The following ITGA8 variants were observed in gnomAD, a reference collection of about 807,000 sequenced individuals.
ITGA8 encodes the protein integrin subunit alpha 8.
Under a neutral mutation model 142.3 loss-of-function variants are expected in ITGA8, and 91 were observed. That is an observed-to-expected ratio of 0.64 (90% confidence interval 0.54 to 0.76). ITGA8 has a LOEUF of 0.76. ITGA8 is among the 30% of genes least tolerant of loss of function. ITGA8 has a pLI of 0.00. For missense variants in ITGA8, 1,406 were observed against 1,327.7 expected (o/e 1.06, Z -0.92); for synonymous variants, 505 against 485.2 (o/e 1.04, Z -0.54).
At chr10:15,556,015 TCTC>T (rs1305499005) in intron 26 of ITGA8, among the ~76,000 whole-genome samples, 3 of 78,622 alleles carry the variant, frequency 3.8e-5, no homozygotes, top group African/African-American at 9.1e-5. Context: ...GGTCTCTCTC[TCTC>T]TTTTTTTTTT....
chr10:15,610,226 G>T (rs1463125551), intron 15 of ITGA8, among the ~76,000 whole-genome samples: 1 of 152,104 alleles, frequency 6.6e-6, no homozygotes, highest in African/African-American at 2.4e-5. Flanking sequence ...CAAACTCTGT[G>T]TTATGATCTA....
intron 22 of ITGA8, among the ~76,000 whole-genome samples, chr10:15,590,763 A>G (rs1832908762): frequency 6.6e-6 from 1 of 152,260 alleles, no homozygotes; most frequent in Non-Finnish European, 1.5e-5. Context: ...GCTTTTGGTA[A>G]AATGAAGGAA....
intron 13 of ITGA8, among the ~76,000 whole-genome samples, chr10:15,634,731 T>C (rs1316425200): frequency 6.6e-6 from 1 of 152,068 alleles, no homozygotes; most frequent in Admixed American, 6.5e-5. Context: ...TATAACTAAA[T>C]GCAACATGGG....
intron 26 of ITGA8, among the ~76,000 whole-genome samples, chr10:15,549,772 A>G (rs1396887056): frequency 9.2e-5 from 14 of 152,232 alleles, no homozygotes. Flanking sequence ...TTGATATAAC[A>G]CAGAATAATC....
chr10:15,532,574 A>C (rs974759595), intron 27 of ITGA8, among the ~76,000 whole-genome samples: 1 of 152,088 alleles, frequency 6.6e-6, no homozygotes, highest in African/African-American at 2.4e-5. Flanking sequence ...ATAGGGTCTC[A>C]TATTAACTGT....
intron 2 of ITGA8, 31 bp from the exon 3 acceptor site, chr10:15,688,069 T>G: frequency 7.0e-7 from 1 of 1,422,206 alleles, no homozygotes; most frequent in Non-Finnish European, 9.9e-7. Context: ...AGTTAATAAT[T>G]TGTAAAATGT....
At position 15,517,027 on chromosome 10, in the gene ITGA8, T is replaced by A; in HGVS notation, c.*131A>T. On this transcript the variant is annotated 3_prime_UTR_variant, in exon 30 of 30. Coordinates refer to ENST00000378076, the MANE Select transcript of ITGA8 (RefSeq NM_003638.3). The stretch of plus-strand genomic sequence containing the variant: ...AAAGTGCGGTGTAGATGAGGTGATG[T>A]TTCCAGGGTCCCCTCCATTTCCTGG... 1 of 471,722 alleles carries A rather than the reference T, an allele frequency of 2.1e-6. No individual in the cohort carries two copies. The highest frequency in any genetic ancestry group is 3.5e-6 in the Non-Finnish European group (1 of 282,020). The allele number at this position is 471,722 out of a possible 1,614,324, so 29.2% of individuals were successfully genotyped here.
chr10:15,701,929 A>G (rs1278768005), intron 2 of ITGA8, among the ~76,000 whole-genome samples: 2 of 152,234 alleles, frequency 1.3e-5, no homozygotes, highest in African/African-American at 2.4e-5. Context: ...GGAATGATGC[A>G]TCTGAGAACA....
rs1364179236 is a variant in ITGA8, at chr10:15,532,040, TG to T, written c.2881-890del. On this transcript the variant is annotated intron_variant, in intron 27 of 29. Coordinates refer to ENST00000378076, the MANE Select transcript of ITGA8 (RefSeq NM_003638.3). ...GCACTGTCAGCATTCTGAGTTAGGGTGGGGGTGGGGGGGCCTGTCCTCTGCA... is the reference window on the plus strand; with the variant it reads ...GCACTGTCAGCATTCTGAGTTAGGGTGGGGTGGGGGGGCCTGTCCTCTGCA... 1.4e-4 allele frequency among the ~76,000 whole-genome samples: 3 copies of T among 21,628 alleles called. No individual in the cohort carries two copies. In the Admixed American group the frequency reaches 1.8e-3, roughly 13 times the overall value. 14.2% of individuals were successfully genotyped at this position (21,628 alleles called of 152,430 possible).
chr10:15,656,186 CAA>C (rs1467437136), intron 10 of ITGA8, among the ~76,000 whole-genome samples: 1 of 152,064 alleles, frequency 6.6e-6, no homozygotes, highest in Non-Finnish European at 1.5e-5. Flanking sequence ...GCGCTGATGA[CAA>C]GAGAAGAGTT....
intron 25 of ITGA8, among the ~76,000 whole-genome samples, chr10:15,567,838 T>C (rs528886079): frequency 6.6e-6 from 1 of 152,236 alleles, no homozygotes; most frequent in East Asian, 1.9e-4. Context: ...CCACCTTCCC[T>C]CACGCCCTAA....
At chr10:15,550,411 G>A (rs949966575) in intron 26 of ITGA8, among the ~76,000 whole-genome samples, 5 of 152,134 alleles carry the variant, frequency 3.3e-5, no homozygotes, top group Non-Finnish European at 7.3e-5. Context: ...TGTGCTTCAC[G>A]GCTGACATGC....
chr10:15,602,057 T>C (rs1833113330), intron 20 of ITGA8, among the ~76,000 whole-genome samples: 1 of 152,238 alleles, frequency 6.6e-6, no homozygotes, highest in African/African-American at 2.4e-5. Flanking sequence ...TGCTCTCCTG[T>C]GTTTTCTATG....
At chr10:15,572,618 C>T (rs535720501) in intron 24 of ITGA8, among the ~76,000 whole-genome samples, 1 of 152,280 alleles carries the variant, frequency 6.6e-6, no homozygotes, top group African/African-American at 2.4e-5. Context: ...CAGTTGAAGA[C>T]CATACTACCC....
intron 4 of ITGA8, among the ~76,000 whole-genome samples, chr10:15,679,889 C>T (rs1834703484): frequency 6.6e-6 from 1 of 152,162 alleles, no homozygotes; most frequent in African/African-American, 2.4e-5. Context: ...AAAAGAGTTT[C>T]TACAACTTCT....
chr10:15,608,383 T>C (rs1163110734), intron 15 of ITGA8, 93 bp from the exon 16 acceptor site: 9 of 713,484 alleles, frequency 1.3e-5, no homozygotes, highest in East Asian at 2.6e-5. Context: ...GAATATCATT[T>C]TCTCTATATA....
intron 13 of ITGA8, among the ~76,000 whole-genome samples, chr10:15,635,787 T>C (rs1196773715): frequency 2.0e-5 from 3 of 152,336 alleles, no homozygotes; most frequent in African/African-American, 4.8e-5. Context: ...TTGACTATAA[T>C]GTTTGAACCT....
chr10:15,641,592 T>C (rs747576801), intron 13 of ITGA8, among the ~76,000 whole-genome samples: 23 of 152,094 alleles, frequency 1.5e-4, no homozygotes, highest in South Asian at 4.1e-4. Flanking sequence ...AGAGACAGAA[T>C]TGGCGCCAGA....
intron 15 of ITGA8, among the ~76,000 whole-genome samples, chr10:15,611,188 G>A (rs747754675): frequency 6.6e-6 from 1 of 152,118 alleles, no homozygotes; most frequent in Non-Finnish European, 1.5e-5. Flanking sequence ...ACTAAGCTAA[G>A]TTCCTAAAAT....
Sources: gnomAD v4.1 joint callset for allele counts (sites outside exome capture counted in the v4.1 genomes callset) on GRCh38, gnomAD v4.1.1 for gene constraint, MANE v1.5 for transcripts, NCBI Gene and HGNC (gene_info 2026-07-23, HGNC 2026-07-21) for gene names.